EIF2AK2: variants seen among roughly 807,000 people sequenced by gnomAD.
EIF2AK2 encodes the protein eukaryotic translation initiation factor 2 alpha kinase 2.
Under a neutral mutation model 70.5 loss-of-function variants are expected in EIF2AK2, and 40 were observed. That is an observed-to-expected ratio of 0.57 (90% confidence interval 0.44 to 0.74). EIF2AK2 has a LOEUF of 0.74. EIF2AK2 is among the 30% of genes least tolerant of loss of function. The pLI, the probability that EIF2AK2 is intolerant of heterozygous loss-of-function variation, is 0.00. For missense variants in EIF2AK2, 555 were observed against 644.3 expected (o/e 0.86, Z 1.50); for synonymous variants, 198 against 220.9 (o/e 0.90, Z 0.92).
At chr2:37,143,337 G>C (rs1199752860) in intron 4 of EIF2AK2, among the ~76,000 whole-genome samples, 1 of 151,518 alleles carries the variant, frequency 6.6e-6, no homozygotes, top group Admixed American at 6.6e-5. Flanking sequence ...AACATTGTCT[G>C]CTGAAATCTC....
At chr2:37,120,168 A>T in intron 12 of EIF2AK2, 29 bp from the exon 13 acceptor site, 1 of 1,293,114 alleles carries the variant, frequency 7.7e-7, no homozygotes, top group Non-Finnish European at 1.0e-6. Context: ...GTATGTTAAA[A>T]GTAACAATAA....
At chr2:37,121,506 G>A (rs1157459266) in intron 12 of EIF2AK2, among the ~76,000 whole-genome samples, 1 of 152,010 alleles carries the variant, frequency 6.6e-6, no homozygotes, top group South Asian at 2.1e-4. Flanking sequence ...TGCCGTCACG[G>A]GGATAATAGT....
At chr2:37,126,698 C>T (rs1674740873) in intron 10 of EIF2AK2, among the ~76,000 whole-genome samples, 4 of 151,926 alleles carry the variant, frequency 2.6e-5, no homozygotes, top group South Asian at 2.1e-4. Context: ...GGCTCATGCC[C>T]GTAATACCAG....
chr2:37,141,838 C>T (rs1383170191), intron 4 of EIF2AK2, 137 bp from the exon 5 acceptor site: 2 of 939,528 alleles, frequency 2.1e-6, no homozygotes, highest in Non-Finnish European at 3.0e-6. Context: ...TATTATATTA[C>T]CTTGAGCAAA....
chr2:37,118,701 A>T (rs528856508), intron 13 of EIF2AK2, among the ~76,000 whole-genome samples: 1 of 152,346 alleles, frequency 6.6e-6, no homozygotes, highest in Non-Finnish European at 1.5e-5. Flanking sequence ...ATTGTAGAAG[A>T]GACATATTGG....
intron 13 of EIF2AK2, among the ~76,000 whole-genome samples, chr2:37,119,161 A>C (rs950966027): frequency 1.3e-5 from 2 of 152,214 alleles, no homozygotes; most frequent in African/African-American, 4.8e-5. Flanking sequence ...CTGTCATTTT[A>C]ATGAGAAGTA....
intron 14 of EIF2AK2, 109 bp from the exon 15 acceptor site, chr2:37,109,404 T>C (rs1453527971): frequency 4.6e-6 from 4 of 869,314 alleles, no homozygotes; most frequent in Non-Finnish European, 7.1e-6. Context: ...CACAAAACAA[T>C]GTCTATTTAT....
chr2:37,134,896 G>A (rs925534765), intron 10 of EIF2AK2, among the ~76,000 whole-genome samples: 5 of 152,140 alleles, frequency 3.3e-5, no homozygotes, highest in Admixed American at 1.3e-4. Flanking sequence ...CATCCAATAC[G>A]TTAGGAAGAG....
Position 37,106,006 on chromosome 2 carries a change from AG to A in EIF2AK2, c.*1266del, listed in dbSNP as rs1170935096. 1 of 152,230 alleles carries A rather than the reference AG, an allele frequency of 6.6e-6. No individual in the cohort carries two copies. The highest frequency in any genetic ancestry group is 2.4e-5 in the African/African-American group (1 of 41,462). 9.4% of individuals were successfully genotyped at this position (152,230 alleles called of 1,614,324 possible). On this transcript the variant is annotated 3_prime_UTR_variant, in exon 17 of 17. Transcript: ENST00000233057. ...AGATACAAAATGTATTTAAGATAAA[AG>A]GTATAACTATGCAGCAAACACTAGT...
At chr2:37,126,480 C>T in intron 10 of EIF2AK2, 69 bp from the exon 11 acceptor site, 4 of 1,553,626 alleles carry the variant, frequency 2.6e-6, no homozygotes. Context: ...CTCCCCACTC[C>T]TTTCCCTTTA....
At chr2:37,107,582 A>C in intron 15 of EIF2AK2, 55 bp from the exon 16 acceptor site, 1 of 1,555,146 alleles carries the variant, frequency 6.4e-7, no homozygotes, top group Non-Finnish European at 8.7e-7. Context: ...GGGAGGAAAG[A>C]CAGAACTAAA....
chr2:37,153,742 C>G (rs1002371627), intron 1 of EIF2AK2, among the ~76,000 whole-genome samples: 1 of 152,302 alleles, frequency 6.6e-6, no homozygotes, highest in South Asian at 2.1e-4. Context: ...TGAATGGACA[C>G]TGGTTATTTC....
intron 10 of EIF2AK2, among the ~76,000 whole-genome samples, chr2:37,129,424 G>A (rs1674864603): frequency 6.6e-6 from 1 of 152,012 alleles, no homozygotes; most frequent in African/African-American, 2.4e-5. Flanking sequence ...TTCCCCATTC[G>A]GGTACCACTC....
chr2:37,143,222 C>CAAAA (rs34947987), intron 4 of EIF2AK2, among the ~76,000 whole-genome samples: 6 of 112,224 alleles, frequency 5.3e-5, no homozygotes, highest in Non-Finnish European at 5.7e-5. Flanking sequence ...GACTCTGTCT[C>CAAAA]AAAAAAAAAA....
chr2:37,126,134 G>A (rs954761924), intron 11 of EIF2AK2, among the ~76,000 whole-genome samples, 155 bp downstream of exon 11: 2 of 152,010 alleles, frequency 1.3e-5, no homozygotes, highest in African/African-American at 4.8e-5. Context: ...AGATCATCTC[G>A]GAGTAAGCCA....
rs150764966 is a variant in EIF2AK2 at position 37,138,547 on chromosome 2, C to G, written c.555G>C (p.Thr185=). ...CTAAAGAGTTGCTTTGGGACTCACA[C>G]GTAGTAGCAAAAGAACCAGAGGACA... ...DYLSSGSFAT[T]CESQSNSLVT... The change falls in exon 7 of 17, where the codon ACG becomes ACC. Residue 185 remains threonine (T), a synonymous_variant. Coordinates refer to ENST00000233057, the MANE Select transcript of EIF2AK2 (RefSeq NM_001135651.3). 8.2e-5 allele frequency: 133 copies of G among 1,614,074 alleles called. No homozygotes were observed. Among genetic ancestry groups the G allele is most frequent in the Non-Finnish European group, 4.2e-6 (5 of 1,179,984 alleles).
intron 11 of EIF2AK2, among the ~76,000 whole-genome samples, chr2:37,125,826 C>T (rs1239519147): frequency 6.6e-6 from 1 of 152,184 alleles, no homozygotes; most frequent in Non-Finnish European, 1.5e-5. Flanking sequence ...TATACAATAA[C>T]AGACAACCAG....
intron 5 of EIF2AK2, among the ~76,000 whole-genome samples, chr2:37,140,293 T>A (rs1196476961): frequency 6.6e-6 from 1 of 152,210 alleles, no homozygotes; most frequent in Admixed American, 6.5e-5. Flanking sequence ...AGATTCCCTA[T>A]ACTAAAGTCC....
intron 1 of EIF2AK2, chr2:37,149,250 T>C: frequency 4.5e-6 from 5 of 1,099,674 alleles, no homozygotes; most frequent in South Asian, 3.8e-5. Context: ...TCACAAAGTA[T>C]GAGCAAACTG....
Sources: gnomAD v4.1 joint callset for allele counts (sites outside exome capture counted in the v4.1 genomes callset) on GRCh38, gnomAD v4.1.1 for gene constraint, MANE v1.5 for transcripts, NCBI Gene and HGNC (gene_info 2026-07-23, HGNC 2026-07-21) for gene names.